NOP9: variants seen among roughly 807,000 people sequenced by gnomAD.
NOP9 encodes the protein nucleolar protein 9.
In NOP9, 50 loss-of-function variants were observed where a neutral mutation model predicts 63.0. The ratio of observed to expected loss-of-function variants is 0.79; its 90% CI spans 0.63 to 1.00. NOP9 has a LOEUF of 1.00. Ranked by LOEUF, NOP9 falls within the 50% of genes least tolerant of loss-of-function variation. The probability of loss-of-function intolerance (pLI) is 0.00; values close to 1 mark genes in which losing one functional copy is unlikely to be tolerated. For synonymous variants in NOP9, 343 were observed against 332.8 expected, an observed-to-expected ratio of 1.03 and a Z score of -0.33; for missense variants, 758 against 803.0, an observed-to-expected ratio of 0.94 and a Z score of 0.68.
chr14:24,291,405 A>G, the NOP9 span: 1 of 1,070,340 alleles, frequency 9.3e-7, no homozygotes, highest in Non-Finnish European at 1.4e-6. Flanking sequence ...TCAGACCTCA[A>G]ACTGGGAATG....
At chr14:24,295,976 G>A (rs1051673654), upstream of NOP9, among the ~76,000 whole-genome samples, 3 of 152,144 alleles carry the variant, frequency 2.0e-5, no homozygotes, top group East Asian at 1.9e-4. Flanking sequence ...TATGCTAGGC[G>A]AATTCTAAAT....
Position 24,306,224 on chromosome 14 carries a change from G to C in NOP9, c.*1129G>C. On this transcript the variant is annotated 3_prime_UTR_variant, in exon 10 of 10. Transcript: ENST00000267425. ...TCAGCACTGGGTCAGACCCTCCCTC[G>C]CTTGGACTTTCTGTCCACTGTGTGA... 1 of 1,525,460 alleles carries C rather than the reference G, an allele frequency of 6.6e-7. No homozygotes were observed. Among genetic ancestry groups the C allele is most frequent in the Non-Finnish European group, 9.0e-7 (1 of 1,112,738 alleles). The allele number at this position is 1,525,460 out of a possible 1,614,324, so 94.5% of individuals were successfully genotyped here. A position where few individuals can be genotyped will look rare whatever the true frequency, so the allele number is the denominator to read the frequency against.
chr14:24,276,154 A>G, the NOP9 span, among the ~76,000 whole-genome samples: 1 of 152,052 alleles, frequency 6.6e-6, no homozygotes, highest in Non-Finnish European at 1.5e-5. Context: ...AGGCAGGCGG[A>G]TCACTTGAGG....
At chr14:24,301,424 C>A in intron 2 of NOP9, 188 bp from the exon 3 acceptor site, 2 of 243,052 alleles carry the variant, frequency 8.2e-6, no homozygotes, top group Non-Finnish European at 1.3e-5. Flanking sequence ...CATGGGGAAG[C>A]TGGTTGAAGT....
In NOP9 at chr14:24,300,643, A is replaced by AGAGGAG. The variant is rs71119069; in HGVS notation, c.504_509dup (p.Glu168_Glu169dup). On this transcript the variant is annotated inframe_insertion, in exon 2 of 10. Coordinates refer to ENST00000267425, the MANE Select transcript of NOP9 (RefSeq NM_174913.3). ...TCCCTCGATTGCTGGGGAGTGCTGC[A>AGAGGAG]GAGGAGGAGGAGGAGGAGGAGGAGG... The AGAGGAG allele has an allele frequency of 0.34, 535,846 of 1,570,444 alleles. 44,994 individuals are homozygous for AGAGGAG. Among genetic ancestry groups the AGAGGAG allele is most frequent in the Middle Eastern group, 0.4 (2,302 of 5,758 alleles).
In NOP9 at chr14:24,308,168, A is replaced by C; in HGVS notation, c.*3073A>C. ...GATGGGAACCATGTAAAAGGATGAA[A>C]TGTGACTTCTGGTGTTTTTTTATTT... is the stretch of plus-strand genomic sequence containing the variant. On this transcript the variant is annotated 3_prime_UTR_variant, in exon 10 of 10. Coordinates refer to ENST00000267425, the MANE Select transcript of NOP9 (RefSeq NM_174913.3). 2 of 408,350 alleles carry C rather than the reference A, an allele frequency of 4.9e-6. No homozygotes were observed. The highest frequency in any genetic ancestry group is 4.7e-5 in the East Asian group (1 of 21,190). The allele number at this position is 408,350 out of a possible 1,614,324, so 25.3% of individuals were successfully genotyped here. A position where few individuals can be genotyped will look rare whatever the true frequency, so the allele number is the denominator to read the frequency against.
upstream of NOP9, chr14:24,298,958 T>A (rs1234785629): frequency 6.9e-6 from 11 of 1,605,506 alleles, no homozygotes; most frequent in Non-Finnish European, 9.4e-6. Flanking sequence ...AGCACTCACC[T>A]CCTGAGCAAC....
At chr14:24,299,776 G>C (rs1246564308), upstream of NOP9, 2 of 714,414 alleles carry the variant, frequency 2.8e-6, no homozygotes, top group Non-Finnish European at 4.4e-6. Context: ...GGGGCGGAGC[G>C]ATCTGGGTGA....
At chr14:24,302,707 C>G (rs2041399397) in intron 5 of NOP9, among the ~76,000 whole-genome samples, 1 of 152,144 alleles carries the variant, frequency 6.6e-6, no homozygotes, top group Non-Finnish European at 1.5e-5. Flanking sequence ...GGCTATAAGC[C>G]CACATGAGTG....
At position 24,306,564 on chromosome 14, in the gene NOP9, A is replaced by C; in HGVS notation, c.*1469A>C. On this transcript the variant is annotated 3_prime_UTR_variant, in exon 10 of 10. Transcript: ENST00000267425. The stretch of plus-strand genomic sequence containing the variant: ...AAGCAAGAAGGGCAGGTCTTATCCC[A>C]TGCCCCTTCCCTCTTTAGCTGCCCA... 1 of 1,612,996 alleles carries C rather than the reference A, an allele frequency of 6.2e-7. No individual in the cohort carries two copies. The highest frequency in any genetic ancestry group is 8.5e-7 in the Non-Finnish European group (1 of 1,179,032).
the NOP9 span, chr14:24,291,086 CAGGGAACAG>C: frequency 1.2e-6 from 2 of 1,613,078 alleles, no homozygotes; most frequent in African/African-American, 1.3e-5. Context: ...GAGGAGTGGG[CAGGGAACAG>C]AGGGAACAGC....
chr14:24,306,455 G>C lies in NOP9; in HGVS notation c.*1360G>C. The C allele has an allele frequency of 6.2e-7, 1 of 1,614,248 alleles. No homozygotes were observed. The highest frequency in any genetic ancestry group is 8.5e-7 in the Non-Finnish European group (1 of 1,180,042). ...CCAGCAGCTGGAAGAAGTCCTCACT[G>C]TCCACTGCAGTTCCATCCTCCTCTA... On this transcript the variant is annotated 3_prime_UTR_variant, in exon 10 of 10. Transcript: ENST00000267425.
chr14:24,306,127 A>G lies in NOP9; in HGVS notation c.*1032A>G. Reference sequence around the variant, plus strand: ...CCTCTCCCGTCCCAGGCCATATGACAGCACTCCACTCTGTAGGACACCCTT... The same window carrying G: ...CCTCTCCCGTCCCAGGCCATATGACGGCACTCCACTCTGTAGGACACCCTT... On this transcript the variant is annotated 3_prime_UTR_variant, in exon 10 of 10. Coordinates refer to ENST00000267425, the MANE Select transcript of NOP9 (RefSeq NM_174913.3). 6.2e-7 allele frequency: 1 copy of G among 1,613,712 alleles called. No individual in the cohort carries two copies. The highest frequency in any genetic ancestry group is 8.5e-7 in the Non-Finnish European group (1 of 1,179,818).
the NOP9 span, among the ~76,000 whole-genome samples, chr14:24,282,249 G>A: frequency 6.6e-6 from 1 of 152,266 alleles, no homozygotes; most frequent in Admixed American, 6.5e-5. Flanking sequence ...AGGGGAAAGA[G>A]CTCACACTTT....
rs1434095778 is a variant in NOP9, at chr14:24,308,793, T to G, written c.*3698T>G. 1 of 152,202 alleles carries G rather than the reference T, an allele frequency of 6.6e-6. No homozygotes were observed. Among genetic ancestry groups the G allele is most frequent in the East Asian group, 1.9e-4 (1 of 5,198 alleles). 9.4% of individuals were successfully genotyped at this position (152,202 alleles called of 1,614,324 possible). On this transcript the variant is annotated 3_prime_UTR_variant, in exon 10 of 10. Transcript: ENST00000267425. ...TCCCTGCTTTCCTGCCAAGGATCCT[T>G]GTAGGGTCCCCCAGCTTCCCCACTT...
At chr14:24,290,021 G>A in the NOP9 span, among the ~76,000 whole-genome samples, 150 of 152,362 alleles carry the variant, frequency 9.8e-4, no homozygotes, top group African/African-American at 3.5e-3. Flanking sequence ...TAGGCTGTCC[G>A]GTGGAAGGTT....
Position 24,307,839 on chromosome 14 carries a change from A to C in NOP9, c.*2744A>C, listed in dbSNP as rs767333976. The C allele has an allele frequency of 1.0e-5, 16 of 1,595,412 alleles. No individual in the cohort carries two copies. Among genetic ancestry groups the C allele is most frequent in the Non-Finnish European group, 1.4e-5 (16 of 1,170,616 alleles). On this transcript the variant is annotated 3_prime_UTR_variant, in exon 10 of 10. Coordinates refer to ENST00000267425, the MANE Select transcript of NOP9 (RefSeq NM_174913.3). ...TCACCTGAGTAAGTCACTGGGGTTC[A>C]GAGCTGAGAGGTACTCCATGGTGGA...
chr14:24,307,462 G>A lies in NOP9; in HGVS notation c.*2367G>A, dbSNP rs1566418144. 6.2e-7 allele frequency: 1 copy of A among 1,614,118 alleles called. No homozygotes were observed. Among genetic ancestry groups the A allele is most frequent in the South Asian group, 1.1e-5 (1 of 91,084 alleles). ...GACACGGAAAGGTCGCTGGGGTGGT[G>A]GAGCTGAGGTCCAGACCCTCCGTCC... On this transcript the variant is annotated 3_prime_UTR_variant, in exon 10 of 10. Coordinates refer to ENST00000267425, the MANE Select transcript of NOP9 (RefSeq NM_174913.3).
chr14:24,271,978 T>C, the NOP9 span, among the ~76,000 whole-genome samples: 4 of 152,182 alleles, frequency 2.6e-5, no homozygotes, highest in African/African-American at 9.7e-5. Context: ...TGGCTTCTCC[T>C]CCTGCACCTC....
Sources: allele counts gnomAD v4.1 joint callset (sites outside exome capture counted in the v4.1 genomes callset), GRCh38; gene constraint gnomAD v4.1.1; transcripts MANE v1.5; gene names NCBI Gene and HGNC (gene_info 2026-07-23, HGNC 2026-07-21).